Variants in CPNE4 observed in about 807,000 individuals in gnomAD.
The protein encoded by CPNE4 is copine-4.
Under a neutral mutation model 67.9 loss-of-function variants are expected in CPNE4, and 25 were observed. The observed-to-expected ratio is 0.37, with a 90% CI of 0.27 to 0.51. The LOEUF (loss-of-function observed/expected upper bound fraction) is 0.51. Ranked by LOEUF, CPNE4 falls within the 20% of genes least tolerant of loss-of-function variation. The pLI, the probability that CPNE4 is intolerant of heterozygous loss-of-function variation, is 0.93. For synonymous variants in CPNE4, 242 were observed against 244.9 expected (o/e 0.99, Z 0.11); for missense variants, 464 against 690.8 (o/e 0.67, Z 3.68).
At chr3:131,574,848 G>C (rs1250655329) in intron 10 of CPNE4, among the ~76,000 whole-genome samples, 1 of 152,100 alleles carries the variant, frequency 6.6e-6, no homozygotes, top group Non-Finnish European at 1.5e-5. Context: ...AGGTTGAGTG[G>C]CATAAATTTC....
chr3:131,564,202 C>T lies in CPNE4; in HGVS notation c.1061+14G>A. 1.2e-6 allele frequency: 2 copies of T among 1,612,364 alleles called. No individual in the cohort carries two copies. The highest frequency in any genetic ancestry group is 2.2e-5 in the East Asian group (1 of 44,794). ...GAGAGATGATAAGGCTCCAAATGTC[C>T]TGAAGCCTCTTACCTGTCATAGTCT... On this transcript the variant is annotated intron_variant, in intron 11 of 15. Coordinates refer to ENST00000429747, the MANE Select transcript of CPNE4 (RefSeq NM_130808.3).
chr3:131,886,642 A>C (rs1242951376), intron 2 of CPNE4, among the ~76,000 whole-genome samples: 3 of 152,204 alleles, frequency 2.0e-5, no homozygotes, highest in Non-Finnish European at 2.9e-5. Flanking sequence ...TGTACCCTGC[A>C]AAACCACAGG....
chr3:131,720,477 G>T (rs1356818430), intron 3 of CPNE4, among the ~76,000 whole-genome samples: 3 of 151,930 alleles, frequency 2.0e-5, no homozygotes, highest in Non-Finnish European at 4.4e-5. Context: ...GTAGAGATGG[G>T]GTTTCACCGT....
At chr3:131,928,617 T>G (rs1427183316) in intron 1 of CPNE4, among the ~76,000 whole-genome samples, 1 of 152,110 alleles carries the variant, frequency 6.6e-6, no homozygotes, top group Non-Finnish European at 1.5e-5. Context: ...TGTATTCAAG[T>G]GAATGTGCCT....
At chr3:131,585,753 A>G (rs1210105234) in intron 8 of CPNE4, among the ~76,000 whole-genome samples, 1 of 152,186 alleles carries the variant, frequency 6.6e-6, no homozygotes, top group African/African-American at 2.4e-5. Context: ...AGTTCTGCAT[A>G]TTCAATAGAG....
At chr3:131,879,039 T>C (rs1270944515) in intron 2 of CPNE4, among the ~76,000 whole-genome samples, 2 of 152,254 alleles carry the variant, frequency 1.3e-5, no homozygotes, top group Admixed American at 6.5e-5. Context: ...TCCTATTGCA[T>C]TGATATCGTG....
chr3:131,802,777 A>G (rs1236474741), intron 2 of CPNE4, among the ~76,000 whole-genome samples: 1 of 152,204 alleles, frequency 6.6e-6, no homozygotes, highest in Non-Finnish European at 1.5e-5. Context: ...TCAAAACTGA[A>G]TCATTGAAAA....
intron 2 of CPNE4, among the ~76,000 whole-genome samples, chr3:131,771,212 AT>A (rs2083158364): frequency 6.6e-6 from 1 of 152,160 alleles, no homozygotes; most frequent in African/African-American, 2.4e-5. Context: ...ACAATAAAAA[AT>A]CTTTAAAATT....
chr3:131,581,977 G>A (rs1937870666), intron 8 of CPNE4, among the ~76,000 whole-genome samples: 1 of 152,100 alleles, frequency 6.6e-6, no homozygotes, highest in Admixed American at 6.5e-5. Flanking sequence ...TATCTCATAG[G>A]ATTATTGTGA....
In CPNE4 at chr3:131,924,104, G is replaced by A. The variant is rs1053018858; in HGVS notation, c.-1-18660C>T. On this transcript the variant is annotated intron_variant, in intron 1 of 15. Coordinates refer to ENST00000429747, the MANE Select transcript of CPNE4 (RefSeq NM_130808.3). ...TCTTCCAGACATTACGTGTCCCCTG[G>A]GGACTCATCAAGGACAGTGAAAGAA... Among the ~76,000 whole-genome samples, 4 of 152,242 alleles carry A rather than the reference G, an allele frequency of 2.6e-5. No individual in the cohort carries two copies. The East Asian group carries it at 7.7e-4, about 29-fold the overall frequency.
At chr3:131,537,893 G>T (rs771660095) in intron 15 of CPNE4, among the ~76,000 whole-genome samples, 5 of 152,020 alleles carry the variant, frequency 3.3e-5, no homozygotes, top group African/African-American at 1.2e-4. Flanking sequence ...TATAATCCAG[G>T]GTTTCTCAAT....
chr3:131,606,865 G>T (rs1240493762), intron 7 of CPNE4, among the ~76,000 whole-genome samples: 1 of 151,760 alleles, frequency 6.6e-6, no homozygotes, highest in Non-Finnish European at 1.5e-5. Context: ...TTAGTTATTT[G>T]TGACGTGATT....
At position 131,576,455 on chromosome 3, in the gene CPNE4, T is replaced by C. The variant is rs55633532; in HGVS notation, c.868-1325A>G. On this transcript the variant is annotated intron_variant, in intron 9 of 15. Coordinates refer to ENST00000429747, the MANE Select transcript of CPNE4 (RefSeq NM_130808.3). ...GTCACCTTAAGGAGAAAGATAACCATTGAATCTAGATCTTTTCTCCTGCTT... is the reference window on the plus strand; with the variant it reads ...GTCACCTTAAGGAGAAAGATAACCACTGAATCTAGATCTTTTCTCCTGCTT... Among the ~76,000 whole-genome samples the C allele has an allele frequency of 9.4e-3, 1,425 of 152,226 alleles. 19 individuals are homozygous for C. The highest frequency in any genetic ancestry group is 0.054 in the East Asian group (278 of 5,154).
chr3:131,804,619 G>A (rs141198878), intron 2 of CPNE4, among the ~76,000 whole-genome samples: 188 of 152,266 alleles, frequency 1.2e-3, no homozygotes, highest in African/African-American at 4.2e-3. Flanking sequence ...AAAAGGTATC[G>A]TGTATTTCCC....
chr3:131,791,328 A>G (rs150759628), intron 2 of CPNE4, among the ~76,000 whole-genome samples: 1,692 of 152,304 alleles, frequency 0.011, 29 homozygotes, highest in African/African-American at 0.039. Flanking sequence ...TATCAAAACC[A>G]CAGTGATTCA....
chr3:131,568,795 A>G (rs56296403), intron 10 of CPNE4, among the ~76,000 whole-genome samples: 23,912 of 151,496 alleles, frequency 0.16, 3,163 homozygotes, highest in African/African-American at 0.37. Context: ...AAACAACCCC[A>G]CTCCTCAGAT....
At chr3:131,712,770 G>A (rs1177368487) in intron 3 of CPNE4, among the ~76,000 whole-genome samples, 2 of 152,250 alleles carry the variant, frequency 1.3e-5, no homozygotes, top group Non-Finnish European at 2.9e-5. Context: ...AAGCAGCCAG[G>A]ATGCTGACAA....
At chr3:131,853,615 A>C (rs187943270) in intron 2 of CPNE4, among the ~76,000 whole-genome samples, 15 of 151,904 alleles carry the variant, frequency 9.9e-5, no homozygotes, top group African/African-American at 3.1e-4. Flanking sequence ...TAAAGGCACT[A>C]TTAGAAAATG....
intron 1 of CPNE4, among the ~76,000 whole-genome samples, chr3:131,997,410 G>A (rs1051719087): frequency 2.0e-5 from 3 of 152,112 alleles, no homozygotes; most frequent in Non-Finnish European, 4.4e-5. Flanking sequence ...GTCTACTTAA[G>A]GATTCAGTAT....
Sources: allele counts gnomAD v4.1 joint callset (sites outside exome capture counted in the v4.1 genomes callset), GRCh38; gene constraint gnomAD v4.1.1; transcripts MANE v1.5; gene names NCBI Gene and HGNC (gene_info 2026-07-23, HGNC 2026-07-21).